Variants in CFLAR observed in about 807,000 individuals in gnomAD.
CFLAR encodes the protein CASP8 and FADD-like apoptosis regulator.
Under a neutral mutation model 51.1 loss-of-function variants are expected in CFLAR, and 14 were observed. The ratio of observed to expected loss-of-function variants is 0.27; its 90% CI spans 0.18 to 0.43. CFLAR has a LOEUF of 0.43. CFLAR is among the 20% of genes least tolerant of loss of function. CFLAR has a pLI of 1.00. For synonymous variants in CFLAR, 210 were observed against 211.6 expected (o/e 0.99, Z 0.06); for missense variants, 390 against 566.5 (o/e 0.69, Z 3.16).
chr2:201,154,310 C>G, intron 8 of CFLAR: 1 of 168,996 alleles, frequency 5.9e-6, no homozygotes, highest in South Asian at 1.0e-4. Context: ...AGGCTGGTCT[C>G]GATCTCCTGA....
rs530347456 is a variant in CFLAR at position 201,166,061 on chromosome 2, C to T, written c.*2088C>T. On this transcript the variant is annotated 3_prime_UTR_variant, in exon 10 of 10. Coordinates refer to ENST00000309955, the MANE Select transcript of CFLAR (RefSeq NM_003879.7). ...CTTTTCTATTCCACAAAACCGCCAT[C>T]GTCATCATGGCCTGTTCTCAATGAG... is the stretch of plus-strand genomic sequence containing the variant. 8.8e-5 allele frequency: 17 copies of T among 192,728 alleles called. No homozygotes were observed. In the East Asian group the frequency reaches 1.8e-3, roughly 20 times the overall value. 11.9% of individuals were successfully genotyped at this position (192,728 alleles called of 1,614,324 possible).
intron 1 of CFLAR, chr2:201,119,056 A>G (rs1414586461): frequency 6.6e-6 from 1 of 152,238 alleles, no homozygotes; most frequent in African/African-American, 2.4e-5. Flanking sequence ...AGGACTCACA[A>G]CACTCCGGGG....
In CFLAR at chr2:201,163,956, A is replaced by C. The variant is rs1464087558; in HGVS notation, c.1426A>C (p.Ile476Leu). 6.2e-7 allele frequency: 1 copy of C among 1,613,920 alleles called. No homozygotes were observed. The highest frequency in any genetic ancestry group is 1.3e-5 in the African/African-American group (1 of 75,014). Residue 476 changes from isoleucine (I) to leucine (L), a missense_variant, in exon 10 of 10, where the codon ATC becomes CTC. Coordinates refer to ENST00000309955, the MANE Select transcript of CFLAR (RefSeq NM_003879.7). ...WLQHTLRKKL[I>L]LSYT ...GCAGCACACTCTGAGAAAGAAACTT[A>C]TCCTCTCCTACACATAAGAAACCAA...
chr2:201,137,861 G>A, intron 4 of CFLAR: 2 of 861,532 alleles, frequency 2.3e-6, no homozygotes. Context: ...CTGAGAAGAA[G>A]CACTCGCCGG....
intron 4 of CFLAR, chr2:201,137,485 C>T (rs1353453540): frequency 1.7e-6 from 1 of 579,788 alleles, no homozygotes; most frequent in African/African-American, 1.8e-5. Context: ...GGGGTGCACT[C>T]CCTCCACCAT....
chr2:201,152,318 T>A (rs1449208272), intron 8 of CFLAR, among the ~76,000 whole-genome samples: 1 of 151,912 alleles, frequency 6.6e-6, no homozygotes, highest in Non-Finnish European at 1.5e-5. Flanking sequence ...TAATTTAAAT[T>A]TTATTTTTAT....
Position 201,138,651 on chromosome 2 carries a change from C to T in CFLAR, c.524-1706C>T, listed in dbSNP as rs978339415. On this transcript the variant is annotated intron_variant, in intron 4 of 9. Coordinates refer to ENST00000309955, the MANE Select transcript of CFLAR (RefSeq NM_003879.7). This position sits in a 1 kb window ranked among gnomAD's most constrained non-coding sequence, Gnocchi z 4.0. ...GATGGGGATGCCAGAGAAGCCATGA[C>T]GCATCTTGGCCTCCAACACATCACC... 3.3e-5 allele frequency: 40 copies of T among 1,222,466 alleles called. No individual in the cohort carries two copies. The highest frequency in any genetic ancestry group is 1.7e-4 in the South Asian group (14 of 82,986). The allele number at this position is 1,222,466 out of a possible 1,614,324, so 75.7% of individuals were successfully genotyped here. A position where few individuals can be genotyped will look rare whatever the true frequency, so the allele number is the denominator to read the frequency against.
rs866715585 is a variant in CFLAR, at chr2:201,166,284, C to T, written c.*2311C>T. 7 of 160,742 alleles carry T rather than the reference C, an allele frequency of 4.4e-5. No homozygotes were observed. In the East Asian group the frequency reaches 5.5e-4, roughly 13 times the overall value. The allele number at this position is 160,742 out of a possible 1,614,324, so 10.0% of individuals were successfully genotyped here. ...CTGACCCCCACGCCTCCCTCCCGGA[C>T]GGGGCGGCTGCCAGGCGGAGGGGCT... On this transcript the variant is annotated 3_prime_UTR_variant, in exon 10 of 10. Transcript: ENST00000309955.
chr2:201,163,062 C>A (rs1194525382), intron 9 of CFLAR: 2 of 755,628 alleles, frequency 2.6e-6, no homozygotes, highest in Non-Finnish European at 2.4e-6. Context: ...TCGGATGCAT[C>A]TTACTAGATG....
Position 201,171,310 on chromosome 2 carries a change from T to G in CFLAR, c.*7337T>G, listed in dbSNP as rs1156440109. The G allele has an allele frequency of 6.9e-6, 1 of 143,924 alleles. No homozygotes were observed. The highest frequency in any genetic ancestry group is 1.5e-5 in the Non-Finnish European group (1 of 66,286). 8.9% of individuals were successfully genotyped at this position (143,924 alleles called of 1,614,324 possible). On this transcript the variant is annotated 3_prime_UTR_variant, in exon 10 of 10. Transcript: ENST00000309955. The stretch of plus-strand genomic sequence containing the variant: ...CCAAACACCTATGGAAATAATTTTG[T>G]TTTTTTTTTTAAAAAAGGAATGAGA...
chr2:201,149,235 G>A, intron 7 of CFLAR, 183 bp downstream of exon 7: 1 of 507,930 alleles, frequency 2.0e-6, no homozygotes, highest in Non-Finnish European at 3.6e-6. Flanking sequence ...AAAGTGGATT[G>A]CATTAGTGAA....
intron 1 of CFLAR, among the ~76,000 whole-genome samples, chr2:201,117,865 C>T (rs1190394603): frequency 6.6e-6 from 1 of 151,332 alleles, no homozygotes; most frequent in African/African-American, 2.4e-5. Flanking sequence ...AAGCGATTCT[C>T]GTGCCTCAGC....
chr2:201,163,519 A>G, intron 9 of CFLAR: 1 of 1,156,374 alleles, frequency 8.6e-7, no homozygotes, highest in Non-Finnish European at 1.1e-6. Context: ...TCAGCCTTCC[A>G]AGATAGATAC....
chr2:201,120,489 G>T (rs1343232014), intron 1 of CFLAR, among the ~76,000 whole-genome samples: 1 of 152,134 alleles, frequency 6.6e-6, no homozygotes, highest in Non-Finnish European at 1.5e-5. Context: ...ATGAAAGAGA[G>T]AAGCTACACC....
chr2:201,119,217 C>T (rs1184248485), intron 1 of CFLAR: 1 of 152,240 alleles, frequency 6.6e-6, no homozygotes, highest in Non-Finnish European at 1.5e-5. Context: ...TATAATCCTA[C>T]CAACATTTAT....
At chr2:201,146,893 G>A in intron 6 of CFLAR, among the ~76,000 whole-genome samples, 1 of 152,206 alleles carries the variant, frequency 6.6e-6, no homozygotes, top group East Asian at 1.9e-4. Flanking sequence ...TAGTCAGCTG[G>A]TGTAGCTCAT....
intron 3 of CFLAR, 149 bp downstream of exon 3, chr2:201,133,283 A>T: frequency 1.7e-6 from 1 of 598,026 alleles, no homozygotes; most frequent in South Asian, 2.1e-5. Flanking sequence ...CATGAATGGG[A>T]AGAGAATTGG....
At chr2:201,140,479 C>T in intron 5 of CFLAR, 40 bp downstream of exon 5, 4 of 1,464,338 alleles carry the variant, frequency 2.7e-6, no homozygotes, top group Non-Finnish European at 3.7e-6. Flanking sequence ...AGCATGAAAC[C>T]GTTTCAGAGT....
At chr2:201,159,506 C>T (rs1040956174) in intron 8 of CFLAR, among the ~76,000 whole-genome samples, 12 of 151,940 alleles carry the variant, frequency 7.9e-5, no homozygotes, top group African/African-American at 1.7e-4. Context: ...GACAGGGTTT[C>T]GCCATGTTGG....
Sources: gnomAD v4.1 joint callset for allele counts (sites outside exome capture counted in the v4.1 genomes callset) on GRCh38, gnomAD v4.1.1 for gene constraint, Gnocchi (gnomAD v3.1) non-coding constraint, MANE v1.5 for transcripts, NCBI Gene and HGNC (gene_info 2026-07-23, HGNC 2026-07-21) for gene names.